The following STIM2 variants were observed in gnomAD, a reference collection of about 807,000 sequenced individuals.
The protein encoded by STIM2 is stromal interaction molecule 2.
In STIM2, 31 loss-of-function variants were observed where a neutral mutation model predicts 85.8. The observed-to-expected ratio is 0.36, with a 90% CI of 0.27 to 0.49. The LOEUF (loss-of-function observed/expected upper bound fraction) is 0.49, where lower values mean the gene tolerates loss of function less well. Among genes scored for constraint, STIM2 ranks in the 20% least tolerant of loss-of-function variants. The pLI, the probability that STIM2 is intolerant of heterozygous loss-of-function variation, is 0.98. For synonymous variants in STIM2, 356 were observed against 331.1 expected (o/e 1.08, Z -0.82); for missense variants, 841 against 927.6 (o/e 0.91, Z 1.21).
intron 10 of STIM2, among the ~76,000 whole-genome samples, chr4:27,015,495 C>T (rs554038169): frequency 6.6e-5 from 10 of 151,898 alleles, no homozygotes; most frequent in African/African-American, 2.4e-4. Context: ...CTTCAGTGAG[C>T]AACTGGGAAT....
chr4:26,998,694 C>T (rs545778256), intron 4 of STIM2, among the ~76,000 whole-genome samples: 4 of 151,960 alleles, frequency 2.6e-5, no homozygotes, highest in South Asian at 2.1e-4. Flanking sequence ...GGGCGGATCA[C>T]GAGGTCAGGA....
chr4:26,888,286 A>C (rs574601688), intron 1 of STIM2, among the ~76,000 whole-genome samples: 1 of 152,242 alleles, frequency 6.6e-6, no homozygotes, highest in African/African-American at 2.4e-5. Flanking sequence ...TCTGCCTAAC[A>C]TAATATGAAT....
At chr4:26,962,423 A>G (rs983436426) in intron 3 of STIM2, among the ~76,000 whole-genome samples, 1 of 152,248 alleles carries the variant, frequency 6.6e-6, no homozygotes, top group African/African-American at 2.4e-5. Context: ...TATATTTACC[A>G]GCATTGTGTG....
chr4:27,010,305 G>A (rs534482352), intron 10 of STIM2, among the ~76,000 whole-genome samples: 5 of 152,072 alleles, frequency 3.3e-5, no homozygotes, highest in Middle Eastern at 3.4e-3. Context: ...TTAGCTGGGC[G>A]TGGTGGTGTG....
chr4:26,977,311 A>C (rs1727236954), intron 3 of STIM2, among the ~76,000 whole-genome samples: 1 of 152,246 alleles, frequency 6.6e-6, no homozygotes, highest in African/African-American at 2.4e-5. Flanking sequence ...AGACAGGGAC[A>C]GATCTCATAG....
chr4:26,961,472 CTG>C (rs1379037035), intron 3 of STIM2, among the ~76,000 whole-genome samples: 2 of 152,246 alleles, frequency 1.3e-5, no homozygotes, highest in South Asian at 2.1e-4. Context: ...GCAAAATAGA[CTG>C]TATCTATTAG....
chr4:26,899,427 A>T (rs1198457718), intron 1 of STIM2, among the ~76,000 whole-genome samples: 1 of 152,044 alleles, frequency 6.6e-6, no homozygotes, highest in Non-Finnish European at 1.5e-5. Flanking sequence ...TAAGTGTTTC[A>T]CTACCTTTTT....
rs1728442875 is a variant in STIM2, at chr4:27,008,415, T to A, written c.1150-13T>A. The stretch of plus-strand genomic sequence containing the variant: ...TTCAAACCTAGCCTTATTTAGTCCT[T>A]TTCGGTTTCTAGGCAGAAAAAATTA... On this transcript the variant is annotated splice_polypyrimidine_tract_variant and intron_variant, in intron 8 of 11. Transcript: ENST00000467087. The A allele has an allele frequency of 2.6e-6, 4 of 1,550,752 alleles. No individual in the cohort carries two copies. Among genetic ancestry groups the A allele is most frequent in the Non-Finnish European group, 2.6e-6 (3 of 1,148,768 alleles).
chr4:27,019,447 T>G (rs761394958), intron 11 of STIM2: 67 of 1,289,726 alleles, frequency 5.2e-5, no homozygotes, highest in Non-Finnish European at 6.6e-5. Context: ...GAACTGGTCT[T>G]GTGTGGTTTC....
At chr4:26,953,430 A>G (rs1441739729) in intron 2 of STIM2, among the ~76,000 whole-genome samples, 1 of 152,122 alleles carries the variant, frequency 6.6e-6, no homozygotes, top group Admixed American at 6.6e-5. Context: ...CTCATTCTAC[A>G]GAAGAGAAAA....
chr4:26,995,122 T>G (rs1727906747), intron 3 of STIM2, among the ~76,000 whole-genome samples: 1 of 152,132 alleles, frequency 6.6e-6, no homozygotes, highest in South Asian at 2.1e-4. Flanking sequence ...GATAGATTAT[T>G]TCATTCTTAC....
chr4:27,008,235 G>A (rs2109136750), intron 8 of STIM2, among the ~76,000 whole-genome samples, 193 bp from the exon 9 acceptor site: 1 of 152,220 alleles, frequency 6.6e-6, no homozygotes, highest in East Asian at 1.9e-4. Context: ...TACATCGATT[G>A]GCTTAGGAAA....
At chr4:26,888,595 A>G (rs1723346065) in intron 1 of STIM2, among the ~76,000 whole-genome samples, 2 of 151,944 alleles carry the variant, frequency 1.3e-5, no homozygotes, top group Admixed American at 1.3e-4. Flanking sequence ...TATCCATTCC[A>G]TTTTTCCCTT....
intron 1 of STIM2, among the ~76,000 whole-genome samples, chr4:26,902,495 A>C (rs1056295911): frequency 1.3e-5 from 2 of 152,166 alleles, no homozygotes; most frequent in Non-Finnish European, 2.9e-5. Context: ...ATGGAAGCCA[A>C]ATTTATGCCT....
intron 2 of STIM2, among the ~76,000 whole-genome samples, chr4:26,928,721 T>G (rs1725086075): frequency 6.6e-6 from 1 of 152,176 alleles, no homozygotes; most frequent in African/African-American, 2.4e-5. Flanking sequence ...GCAAAACAAA[T>G]TAAGCATACA....
At chr4:26,908,420 T>C (rs1724208609) in intron 1 of STIM2, among the ~76,000 whole-genome samples, 9 of 152,180 alleles carry the variant, frequency 5.9e-5, no homozygotes, top group Admixed American at 5.9e-4. Flanking sequence ...TGAGAAGTGG[T>C]AGTATGAGAC....
At chr4:26,918,468 TAGAC>T (rs1269535212) in intron 1 of STIM2, among the ~76,000 whole-genome samples, 1 of 152,170 alleles carries the variant, frequency 6.6e-6, no homozygotes, top group Non-Finnish European at 1.5e-5. Flanking sequence ...GGCCAGATGA[TAGAC>T]TATCGATGAG....
chr4:26,913,630 T>G (rs1395290711), intron 1 of STIM2, among the ~76,000 whole-genome samples: 1 of 152,218 alleles, frequency 6.6e-6, no homozygotes, highest in Non-Finnish European at 1.5e-5. Context: ...TGTTAATTTC[T>G]CCATCCTGCT....
At chr4:26,938,707 C>T (rs1215034984) in intron 2 of STIM2, among the ~76,000 whole-genome samples, 2 of 152,148 alleles carry the variant, frequency 1.3e-5, no homozygotes, top group Non-Finnish European at 2.9e-5. Context: ...CAGATAACCT[C>T]ACATTTAATG....
Sources: allele counts gnomAD v4.1 joint callset (sites outside exome capture counted in the v4.1 genomes callset), GRCh38; gene constraint gnomAD v4.1.1; transcripts MANE v1.5; gene names NCBI Gene and HGNC (gene_info 2026-07-23, HGNC 2026-07-21).